Variants in METTL15 observed in about 807,000 individuals in gnomAD.
METTL15 encodes methyltransferase 15, mitochondrial 12S rRNA N4-cytidine.
A neutral mutation model predicts 38.3 loss-of-function variants in METTL15; 34 were observed. The ratio of observed to expected loss-of-function variants is 0.89; its 90% CI spans 0.68 to 1.18. The LOEUF (loss-of-function observed/expected upper bound fraction) is 1.18, where lower values mean the gene tolerates loss of function less well. Among genes scored for constraint, METTL15 ranks in the 50% most tolerant of loss-of-function variants. METTL15 has a pLI of 0.00. For synonymous variants in METTL15, 162 were observed against 170.9 expected (o/e 0.95, Z 0.41); for missense variants, 438 against 498.4 (o/e 0.88, Z 1.15).
intron 2 of METTL15, among the ~76,000 whole-genome samples, chr11:28,112,797 G>A (rs1257760880): frequency 6.6e-6 from 1 of 152,070 alleles, no homozygotes; most frequent in Admixed American, 6.5e-5. Context: ...TTTTGGATGT[G>A]CATGCGTAGT....
chr11:28,442,026 G>A (rs554968181), intron 6 of METTL15, among the ~76,000 whole-genome samples: 5 of 152,326 alleles, frequency 3.3e-5, no homozygotes, highest in Admixed American at 1.3e-4. Flanking sequence ...TGGACATACG[G>A]AAGTTGATAT....
intron 3 of METTL15, among the ~76,000 whole-genome samples, chr11:28,122,365 GTGTGTGTA>G (rs1360049378): frequency 8.5e-4 from 51 of 59,988 alleles, no homozygotes; most frequent in South Asian, 2.9e-3. Context: ...GTGTGTGTGT[GTGTGTGTA>G]TATATATATA....
intron 5 of METTL15, among the ~76,000 whole-genome samples, chr11:28,405,743 A>G (rs182313497): frequency 7.9e-5 from 12 of 152,254 alleles, no homozygotes; most frequent in Admixed American, 6.5e-4. Flanking sequence ...GCTATGTAGA[A>G]CTCTGCTGTA....
chr11:28,376,588 C>T (rs1210732302), intron 5 of METTL15, among the ~76,000 whole-genome samples: 8 of 151,680 alleles, frequency 5.3e-5, no homozygotes, highest in South Asian at 2.1e-4. Context: ...TTCCTGAATG[C>T]GGCATGGGTC....
intron 3 of METTL15, among the ~76,000 whole-genome samples, chr11:28,201,435 A>G (rs574021699): frequency 1.3e-5 from 2 of 152,216 alleles, no homozygotes; most frequent in Admixed American, 6.5e-5. Flanking sequence ...TCAATTGTTT[A>G]TAATAGTTTC....
intron 6 of METTL15, among the ~76,000 whole-genome samples, chr11:28,456,336 A>G (rs1293670818): frequency 6.6e-6 from 1 of 152,114 alleles, no homozygotes; most frequent in Non-Finnish European, 1.5e-5. Flanking sequence ...CTGCTTGGTC[A>G]GAAGCAACAC....
At chr11:28,519,640 C>T (rs910302180) in intron 6 of METTL15, among the ~76,000 whole-genome samples, 3 of 152,038 alleles carry the variant, frequency 2.0e-5, no homozygotes, top group African/African-American at 7.2e-5. Flanking sequence ...AAACTGAAGA[C>T]ATACTGGGAA....
intron 6 of METTL15, among the ~76,000 whole-genome samples, chr11:28,482,284 T>C (rs569823054): frequency 6.6e-6 from 1 of 152,308 alleles, no homozygotes; most frequent in South Asian, 2.1e-4. Context: ...TATGCCTATT[T>C]GGAGATTGAA....
chr11:28,272,189 A>G (rs962855913), intron 4 of METTL15, among the ~76,000 whole-genome samples: 10 of 152,156 alleles, frequency 6.6e-5, no homozygotes, highest in South Asian at 2.1e-4. Context: ...AACTAGAAAT[A>G]CCATTTGACC....
intron 6 of METTL15, among the ~76,000 whole-genome samples, chr11:28,510,016 A>G (rs1851661610): frequency 6.6e-6 from 1 of 152,146 alleles, no homozygotes; most frequent in Non-Finnish European, 1.5e-5. Flanking sequence ...TTAAGTAGAT[A>G]TTAGGATGGC....
chr11:28,228,140 C>T (rs1347195055), intron 4 of METTL15, among the ~76,000 whole-genome samples: 2 of 151,846 alleles, frequency 1.3e-5, no homozygotes, highest in Non-Finnish European at 2.9e-5. Context: ...TTTTTATTCT[C>T]ACAGAAGACT....
chr11:28,183,269 C>T (rs1289454732), intron 3 of METTL15, among the ~76,000 whole-genome samples: 2 of 152,040 alleles, frequency 1.3e-5, no homozygotes, highest in Admixed American at 6.6e-5. Flanking sequence ...TGCCTGATTA[C>T]CCTGGCCAGA....
rs776737567 is a variant in METTL15 at position 28,296,743 on chromosome 11, T to C, written c.600-10T>C. 7 of 1,612,304 alleles carry C rather than the reference T, an allele frequency of 4.3e-6. No homozygotes were observed. Among genetic ancestry groups the C allele is most frequent in the African/African-American group, 2.7e-5 (2 of 74,938 alleles). ...ATGTCAGTGAACTAATTGGCTCTTC[T>C]TGTGCGTAGGTACCCTGACATGCCC... On this transcript the variant is annotated splice_polypyrimidine_tract_variant and intron_variant, in intron 5 of 6. Transcript: ENST00000407364.
At chr11:28,438,835 C>T (rs1286458342) in intron 6 of METTL15, among the ~76,000 whole-genome samples, 1 of 151,630 alleles carries the variant, frequency 6.6e-6, no homozygotes, top group Non-Finnish European at 1.5e-5. Flanking sequence ...CCACCATGCC[C>T]AGCTAATTTT....
chr11:28,165,268 C>T (rs893830649), intron 3 of METTL15, among the ~76,000 whole-genome samples: 9 of 151,972 alleles, frequency 5.9e-5, no homozygotes, highest in Non-Finnish European at 1.2e-4. Flanking sequence ...TATGGTTTTT[C>T]ATAATGGTTG....
intron 5 of METTL15, among the ~76,000 whole-genome samples, chr11:28,365,777 G>A (rs2133371152): frequency 6.6e-6 from 1 of 152,262 alleles, no homozygotes; most frequent in Non-Finnish European, 1.5e-5. Context: ...GCCAGGCGCG[G>A]TGGCTCATGA....
chr11:28,489,960 C>T lies in METTL15; in HGVS notation c.*425-36518C>T, dbSNP rs140311967. 2.9e-3 allele frequency among the ~76,000 whole-genome samples: 443 copies of T among 152,142 alleles called. 2 individuals are homozygous for T. The highest frequency in any genetic ancestry group is 6.8e-3 in the Middle Eastern group (2 of 294). The stretch of plus-strand genomic sequence containing the variant: ...CCCTGTGCAGCTGACCCTGTTCCTG[C>T]GTTTTCCTCCATCACTGCATGGTCT... On this transcript the variant is annotated intron_variant and NMD_transcript_variant, in intron 6 of 7. Transcript: ENST00000532947.
chr11:28,278,233 G>A (rs936759918), intron 4 of METTL15, among the ~76,000 whole-genome samples: 1 of 152,102 alleles, frequency 6.6e-6, no homozygotes, highest in African/African-American at 2.4e-5. Flanking sequence ...TGGGGCATTG[G>A]AATTTAAGCA....
intron 3 of METTL15, among the ~76,000 whole-genome samples, chr11:28,179,227 T>C (rs1851191981): frequency 6.6e-6 from 1 of 151,776 alleles, no homozygotes; most frequent in African/African-American, 2.4e-5. Context: ...TAATCTTATG[T>C]TTTTCCCCCT....
Sources: allele counts gnomAD v4.1 joint callset (sites outside exome capture counted in the v4.1 genomes callset), GRCh38; gene constraint gnomAD v4.1.1; transcripts MANE v1.5; gene names NCBI Gene and HGNC (gene_info 2026-07-23, HGNC 2026-07-21).